PLEKHA5: variants seen among roughly 807,000 people sequenced by gnomAD.
PLEKHA5 encodes the protein pleckstrin homology domain-containing family A member 5.
A neutral mutation model predicts 181.9 loss-of-function variants in PLEKHA5; 55 were observed. The ratio of observed to expected loss-of-function variants is 0.30; its 90% CI spans 0.24 to 0.38. The LOEUF is 0.38. PLEKHA5 is among the 10% of genes least tolerant of loss of function. PLEKHA5 has a pLI of 1.00. For missense variants in PLEKHA5, 1,432 were observed against 1,549.5 expected, an observed-to-expected ratio of 0.92 and a Z score of 1.27; for synonymous variants, 535 against 529.4, an observed-to-expected ratio of 1.01 and a Z score of -0.15.
At chr12:19,309,693 C>T (rs1337396540) in intron 15 of PLEKHA5, among the ~76,000 whole-genome samples, 2 of 151,824 alleles carry the variant, frequency 1.3e-5, no homozygotes, top group Non-Finnish European at 2.9e-5. Flanking sequence ...TGCAGTGAGC[C>T]TAGATCGTGC....
At chr12:19,263,081 A>G (rs1315898009) in intron 7 of PLEKHA5, among the ~76,000 whole-genome samples, 3 of 152,216 alleles carry the variant, frequency 2.0e-5, no homozygotes, top group Non-Finnish European at 2.9e-5. Context: ...AAAGAAGTAT[A>G]TGATATTATA....
At chr12:19,197,994 A>T (rs2053344914) in intron 3 of PLEKHA5, among the ~76,000 whole-genome samples, 1 of 151,980 alleles carries the variant, frequency 6.6e-6, no homozygotes, top group Admixed American at 6.6e-5. Flanking sequence ...AACGTATCCC[A>T]AATCTGCTCA....
At chr12:19,327,669 G>A (rs1480565992) in intron 20 of PLEKHA5, among the ~76,000 whole-genome samples, 3 of 139,186 alleles carry the variant, frequency 2.2e-5, no homozygotes, top group African/African-American at 8.0e-5. Flanking sequence ...TTCTGAGACA[G>A]AGACTCACTC....
Position 19,367,828 on chromosome 12 carries a change from C to T in PLEKHA5, c.3754+1719C>T, listed in dbSNP as rs191905924. The stretch of plus-strand genomic sequence containing the variant: ...GTCTCAATCTCCTGGCCTCGTGATC[C>T]GCCCGCCTCGGCCTCCCAAAGTGCT... On this transcript the variant is annotated intron_variant, in intron 30 of 31. Transcript: ENST00000429027. Among the ~76,000 whole-genome samples the T allele has an allele frequency of 6.5e-3, 991 of 151,348 alleles. 10 individuals carry two copies. Among genetic ancestry groups the T allele is most frequent in the African/African-American group, 0.023 (938 of 41,254 alleles).
chr12:19,169,333 G>GACC (rs2151632318), intron 3 of PLEKHA5, among the ~76,000 whole-genome samples: 1 of 152,080 alleles, frequency 6.6e-6, no homozygotes, highest in South Asian at 2.1e-4. Context: ...GCTTGCCTAG[G>GACC]TGGCTTCCGC....
In PLEKHA5 at chr12:19,319,494, T is replaced by C. The variant is rs537693836; in HGVS notation, c.2119-527T>C. On this transcript the variant is annotated intron_variant, in intron 16 of 31. Transcript: ENST00000429027. ...TCTTTCATAGAGAAAACATATAGAA[T>C]TGTCATTTATACATTCTTATGTATT... 5.3e-5 allele frequency among the ~76,000 whole-genome samples: 8 copies of C among 152,328 alleles called. No homozygotes were observed. The East Asian group carries it at 1.5e-3, about 29-fold the overall frequency.
intron 3 of PLEKHA5, among the ~76,000 whole-genome samples, chr12:19,140,239 C>A (rs2036859892): frequency 6.6e-6 from 1 of 152,072 alleles, no homozygotes; most frequent in Non-Finnish European, 1.5e-5. Context: ...ACACATAAAT[C>A]CTCTAAGCAA....
At position 19,274,826 on chromosome 12, in the gene PLEKHA5, A is replaced by G; in HGVS notation, c.1156A>G (p.Asn386Asp). 6.2e-7 allele frequency: 1 copy of G among 1,614,210 alleles called. No individual in the cohort carries two copies. Among genetic ancestry groups the G allele is most frequent in the Non-Finnish European group, 8.5e-7 (1 of 1,180,046 alleles). ...GAGCAGTTCAGAGAACAAAATAGTC[A>G]ATGTTAGCCTGGCAGATCTTAGAGG... is the stretch of plus-strand genomic sequence containing the variant. ...NLSSSENKIVNVSLADLRGGN... is the reference protein window; with the variant it reads ...NLSSSENKIVDVSLADLRGGN... The change falls in exon 11 of 32, where the codon AAT (asparagine) becomes GAT (aspartate). Residue 386 changes from asparagine (N) to aspartate (D), a missense_variant. By Grantham distance (23) the Asn-to-Asp change is conservative (BLOSUM62 1). This residue lies in a region of PLEKHA5 where 1,143 missense variants were observed against 1,168.4 expected (regional missense o/e 0.98). Coordinates refer to ENST00000429027, the MANE Select transcript of PLEKHA5 (RefSeq NM_001256470.2).
At chr12:19,322,139 A>G (rs2091026502) in intron 18 of PLEKHA5, among the ~76,000 whole-genome samples, 171 bp from the exon 19 acceptor site, 1 of 152,180 alleles carries the variant, frequency 6.6e-6, no homozygotes, top group African/African-American at 2.4e-5. Flanking sequence ...TATTTAGCAG[A>G]TTGTAGAGGC....
intron 3 of PLEKHA5, among the ~76,000 whole-genome samples, chr12:19,205,799 G>A (rs1244051018): frequency 6.6e-6 from 1 of 152,022 alleles, no homozygotes; most frequent in African/African-American, 2.4e-5. Context: ...ACATCTTAAT[G>A]AAATTACAAT....
intron 16 of PLEKHA5, among the ~76,000 whole-genome samples, chr12:19,318,681 G>A (rs1201826173): frequency 6.6e-6 from 1 of 152,272 alleles, no homozygotes; most frequent in East Asian, 1.9e-4. Context: ...CCAGCACTTT[G>A]GGAGGCCAAG....
At chr12:19,205,739 C>T (rs886824322) in intron 3 of PLEKHA5, among the ~76,000 whole-genome samples, 4 of 151,890 alleles carry the variant, frequency 2.6e-5, no homozygotes, top group Non-Finnish European at 5.9e-5. Context: ...AATTATGTGC[C>T]GAGATACTTC....
intron 3 of PLEKHA5, chr12:19,200,299 A>G (rs892627015): frequency 1.5e-5 from 22 of 1,506,578 alleles, no homozygotes; most frequent in Non-Finnish European, 1.8e-5. Context: ...CATTAAAACA[A>G]TTTTTTTTAT....
intron 3 of PLEKHA5, chr12:19,150,868 G>A (rs1381853845): frequency 1.3e-5 from 2 of 152,218 alleles, no homozygotes; most frequent in African/African-American, 4.8e-5. Flanking sequence ...TGATAGATTT[G>A]TTGAAATGTT....
At chr12:19,291,246 T>A (rs1477171937) in intron 14 of PLEKHA5, among the ~76,000 whole-genome samples, 1 of 152,234 alleles carries the variant, frequency 6.6e-6, no homozygotes, top group East Asian at 1.9e-4. Flanking sequence ...GTCTTATTTT[T>A]AATGAAAAGA....
At chr12:19,354,337 T>A (rs1488914974) in intron 26 of PLEKHA5, among the ~76,000 whole-genome samples, 1 of 147,292 alleles carries the variant, frequency 6.8e-6, no homozygotes, top group Non-Finnish European at 1.5e-5. Flanking sequence ...GTATTTTTAG[T>A]AGAGACGGGG....
At chr12:19,272,865 GC>G (rs2073370821) in intron 10 of PLEKHA5, among the ~76,000 whole-genome samples, 1 of 152,056 alleles carries the variant, frequency 6.6e-6, no homozygotes, top group Admixed American at 6.6e-5. Context: ...CTCCCAAATA[GC>G]AAGGGATACA....
intron 3 of PLEKHA5, among the ~76,000 whole-genome samples, chr12:19,204,380 G>A (rs769408851): frequency 1.3e-5 from 2 of 152,042 alleles, no homozygotes; most frequent in Non-Finnish European, 2.9e-5. Context: ...GTGGAAAGTA[G>A]ATATGAAAGA....
chr12:19,374,645 C>T (rs1032432553), intron 31 of PLEKHA5, among the ~76,000 whole-genome samples: 16 of 146,520 alleles, frequency 1.1e-4, no homozygotes, highest in Admixed American at 6.2e-4. Flanking sequence ...GGCGACAGAG[C>T]GAGACTCAGT....
Sources: allele counts gnomAD v4.1 joint callset (sites outside exome capture counted in the v4.1 genomes callset), GRCh38; gene constraint gnomAD v4.1.1; regional missense constraint gnomAD v4.1.1; transcripts MANE v1.5; gene names NCBI Gene and HGNC (gene_info 2026-07-23, HGNC 2026-07-21).